Variants in FNIP1 observed in about 807,000 individuals in gnomAD.
The protein encoded by FNIP1 is folliculin interacting protein 1.
Under a neutral mutation model 124.5 loss-of-function variants are expected in FNIP1, and 40 were observed. That is an observed-to-expected ratio of 0.32 (90% CI 0.25 to 0.42). The LOEUF is 0.42. Among genes scored for constraint, FNIP1 ranks in the 10% least tolerant of loss-of-function variants. The pLI is 1.00. For synonymous variants in FNIP1, 472 were observed against 470.6 expected, an observed-to-expected ratio of 1.00 and a Z score of -0.04; for missense variants, 1,176 against 1,403.7, an observed-to-expected ratio of 0.84 and a Z score of 2.59.
At chr5:131,691,187 A>G (rs1768469141) in intron 11 of FNIP1, among the ~76,000 whole-genome samples, 1 of 152,228 alleles carries the variant, frequency 6.6e-6, no homozygotes, top group Non-Finnish European at 1.5e-5. Context: ...GAAATCAGTA[A>G]GAAAAAGATA....
intron 2 of FNIP1, among the ~76,000 whole-genome samples, chr5:131,739,214 A>G (rs555583023): frequency 2.0e-5 from 3 of 152,144 alleles, no homozygotes; most frequent in Non-Finnish European, 4.4e-5. Context: ...TGTTTGATAT[A>G]CTTGGTTTCA....
At chr5:131,739,828 A>AAAAAAC (rs1770452883) in intron 2 of FNIP1, among the ~76,000 whole-genome samples, 4 of 151,464 alleles carry the variant, frequency 2.6e-5, no homozygotes, top group African/African-American at 7.3e-5. Flanking sequence ...AAAAAAAAAA[A>AAAAAAC]AAAAAAAAAC....
intron 13 of FNIP1, 61 bp downstream of exon 13, chr5:131,677,635 CTATAAAA>C (rs1483243102): frequency 7.1e-7 from 1 of 1,414,880 alleles, no homozygotes; most frequent in Non-Finnish European, 9.6e-7. Flanking sequence ...TTTGGTTTTG[CTATAAAA>C]TAATTACAGA....
chr5:131,705,761 T>C (rs1333997773), intron 9 of FNIP1, among the ~76,000 whole-genome samples: 9 of 152,124 alleles, frequency 5.9e-5, no homozygotes, highest in African/African-American at 1.7e-4. Context: ...ACCAAAAGTA[T>C]TGAAAATGGG....
chr5:131,649,920 A>C (rs377413428), intron 16 of FNIP1, among the ~76,000 whole-genome samples: 1 of 152,168 alleles, frequency 6.6e-6, no homozygotes, highest in African/African-American at 2.4e-5. Flanking sequence ...GTTGAAAATC[A>C]ACTAAACTTA....
chr5:131,774,734 T>C (rs892158596), intron 1 of FNIP1, among the ~76,000 whole-genome samples: 2 of 152,186 alleles, frequency 1.3e-5, no homozygotes, highest in African/African-American at 4.8e-5. Context: ...TTTTAAATAC[T>C]TGCAAATTCT....
intron 8 of FNIP1, among the ~76,000 whole-genome samples, 196 bp from the exon 9 acceptor site, chr5:131,706,742 G>A (rs1240914389): frequency 2.6e-5 from 4 of 152,162 alleles, no homozygotes; most frequent in African/African-American, 9.7e-5. Context: ...CAATGTATCA[G>A]CAAAAAACTC....
At position 131,687,674 on chromosome 5, in the gene FNIP1, C is replaced by A. The variant is rs973270165; in HGVS notation, c.1203-8499G>T. 2.0e-5 allele frequency among the ~76,000 whole-genome samples: 3 copies of A among 152,268 alleles called. 1 individual carries two copies. In the South Asian group the frequency reaches 6.2e-4, roughly 32 times the overall value. ...AAAAATGGGTAAATACAGAGAATGA[C>A]AACTGAGATCAAGTTACCTGAAGCA... On this transcript the variant is annotated intron_variant, in intron 11 of 17. Transcript: ENST00000510461.
At chr5:131,782,942 C>T (rs757752247) in intron 1 of FNIP1, among the ~76,000 whole-genome samples, 4 of 152,208 alleles carry the variant, frequency 2.6e-5, no homozygotes, top group Admixed American at 2.0e-4. Context: ...GGATTACAGG[C>T]GTGAGCCACC....
At chr5:131,673,053 T>TC in intron 13 of FNIP1, 129 bp from the exon 14 acceptor site, 1 of 515,826 alleles carries the variant, frequency 1.9e-6, no homozygotes. Flanking sequence ...GTTTTTTTGT[T>TC]TTTTTTTTTT....
At chr5:131,669,878 T>C (rs1450800457) in intron 15 of FNIP1, among the ~76,000 whole-genome samples, 1 of 148,698 alleles carries the variant, frequency 6.7e-6, no homozygotes, top group Admixed American at 6.8e-5. Context: ...ACCACTTCCA[T>C]GCAACATTGT....
chr5:131,782,414 C>T (rs189945626), intron 1 of FNIP1, among the ~76,000 whole-genome samples: 16 of 151,800 alleles, frequency 1.1e-4, no homozygotes, highest in Admixed American at 2.6e-4. Flanking sequence ...AAACCAAACA[C>T]GCACAAAAAT....
At chr5:131,736,636 C>A (rs1295307673) in intron 2 of FNIP1, among the ~76,000 whole-genome samples, 1 of 152,180 alleles carries the variant, frequency 6.6e-6, no homozygotes, top group Non-Finnish European at 1.5e-5. Context: ...GAGTTCGAAT[C>A]CTATTGTGAA....
chr5:131,684,920 G>A (rs1041509670), intron 11 of FNIP1, among the ~76,000 whole-genome samples: 6 of 152,124 alleles, frequency 3.9e-5, no homozygotes, highest in African/African-American at 1.4e-4. Flanking sequence ...AATGCAATAT[G>A]TGATACTCAG....
At chr5:131,729,899 C>A (rs1770020327) in intron 3 of FNIP1, among the ~76,000 whole-genome samples, 1 of 151,846 alleles carries the variant, frequency 6.6e-6, no homozygotes, top group Non-Finnish European at 1.5e-5. Flanking sequence ...GCATGTGCCA[C>A]CATGCCTAAT....
At chr5:131,713,562 A>G (rs1477381066) in intron 6 of FNIP1, among the ~76,000 whole-genome samples, 1 of 147,320 alleles carries the variant, frequency 6.8e-6, no homozygotes, top group Non-Finnish European at 1.5e-5. Flanking sequence ...TAAAGAGAAT[A>G]CCCTACAATA....
At chr5:131,658,547 G>A (rs749800784) in intron 15 of FNIP1, among the ~76,000 whole-genome samples, 1 of 151,984 alleles carries the variant, frequency 6.6e-6, no homozygotes, top group South Asian at 2.1e-4. Flanking sequence ...TACATCTCAA[G>A]TTGGGGGACA....
At chr5:131,794,859 G>A (rs749464192) in intron 1 of FNIP1, among the ~76,000 whole-genome samples, 9 of 152,342 alleles carry the variant, frequency 5.9e-5, no homozygotes, top group African/African-American at 1.9e-4. Context: ...TGACTGCCAC[G>A]GGTGAGGAGG....
Position 131,672,170 on chromosome 5 carries a change from A to T in FNIP1, c.2274T>A (p.Ser758=), listed in dbSNP as rs199592146. 1.9e-6 allele frequency: 3 copies of T among 1,614,246 alleles called. No individual in the cohort carries two copies. The highest frequency in any genetic ancestry group is 2.2e-5 in the South Asian group (2 of 91,090). The change falls in exon 14 of 18, where the codon TCT becomes TCA. Residue 758 remains serine, a synonymous_variant. Coordinates refer to ENST00000510461, the MANE Select transcript of FNIP1 (RefSeq NM_133372.3). ...GCTCAGTATCTGAATCAGGTGACAT[A>T]GAATCCCCAATCAGGAAAGTAACCT... The part of the protein sequence containing the change: ...QTKVTFLIGD[S]MSPDSDTELR...
Sources: allele counts gnomAD v4.1 joint callset (sites outside exome capture counted in the v4.1 genomes callset), GRCh38; gene constraint gnomAD v4.1.1; transcripts MANE v1.5; gene names NCBI Gene and HGNC (gene_info 2026-07-23, HGNC 2026-07-21).